COPE: variants seen among roughly 807,000 people sequenced by gnomAD.
COPE encodes the protein coatomer subunit epsilon.
COPE carries 19 observed loss-of-function variants against 42.1 expected under a neutral mutation model. The ratio of observed to expected loss-of-function variants is 0.45; its 90% CI spans 0.31 to 0.66. The LOEUF is 0.66. Ranked by LOEUF, COPE falls within the 30% of genes least tolerant of loss-of-function variation. The pLI, the probability that COPE is intolerant of heterozygous loss-of-function variation, is 0.05. For missense variants in COPE, 402 were observed against 416.1 expected (o/e 0.97, Z 0.30); for synonymous variants, 195 against 181.3 (o/e 1.08, Z -0.60).
chr19:18,901,919 G>A (rs1394375233), intron 7 of COPE, among the ~76,000 whole-genome samples: 3 of 152,200 alleles, frequency 2.0e-5, no homozygotes, highest in East Asian at 3.9e-4. Flanking sequence ...AGTGGCTCAC[G>A]CCTGTAATCC....
intron 1 of COPE, among the ~76,000 whole-genome samples, chr19:18,917,557 C>T (rs913775915): frequency 2.0e-5 from 3 of 151,690 alleles, no homozygotes; most frequent in African/African-American, 7.3e-5. Context: ...TTAGTAGAGA[C>T]GGGGTTTCAC....
In COPE at chr19:18,919,364, C is replaced by G. The variant is rs1194735138; in HGVS notation, c.-16G>C. ...GAGGCGCCATTTCGCTGTCTTCTCA[C>G]CAGCTCCTCTTCCTGAAAGACACGT... On this transcript the variant is annotated 5_prime_UTR_variant, in exon 1 of 10. Coordinates refer to ENST00000262812, the MANE Select transcript of COPE (RefSeq NM_007263.4). The G allele has an allele frequency of 1.2e-6, 2 of 1,611,550 alleles. No individual in the cohort carries two copies. Among genetic ancestry groups the G allele is most frequent in the Non-Finnish European group, 1.7e-6 (2 of 1,179,046 alleles).
chr19:18,918,203 A>G (rs955418310), intron 1 of COPE, among the ~76,000 whole-genome samples: 2 of 131,438 alleles, frequency 1.5e-5, no homozygotes, highest in African/African-American at 6.0e-5. Context: ...AAAAAAAAAA[A>G]GAAAAGAAAA....
Position 18,906,994 on chromosome 19 carries a change from G to C in COPE, c.409C>G (p.Leu137Val). 5 of 1,581,160 alleles carry C rather than the reference G, an allele frequency of 3.2e-6. No homozygotes were observed. Among genetic ancestry groups the C allele is most frequent in the Non-Finnish European group, 4.3e-6 (5 of 1,163,936 alleles). Residue 137 changes from leucine to valine, a missense_variant, in exon 4 of 10, where the codon CTG becomes GTG. Coordinates refer to ENST00000262812, the MANE Select transcript of COPE (RefSeq NM_007263.4). ...YLHDQNPDAA[L>V]RALHQGDSLE... is the part of the protein sequence containing the mutation. Reference sequence around the variant, plus strand: ...CTGTCCCCCTGGTGCAGCGCACGCAGGGCGGCATCCGGGTTCTGGTCGTGG... The same window carrying C: ...CTGTCCCCCTGGTGCAGCGCACGCACGGCGGCATCCGGGTTCTGGTCGTGG...
At chr19:18,908,521 C>CTT (rs1555710207) in intron 3 of COPE, among the ~76,000 whole-genome samples, 3 of 146,850 alleles carry the variant, frequency 2.0e-5, no homozygotes, top group East Asian at 2.0e-4. Flanking sequence ...CCCCATCTCT[C>CTT]TTTTTTTTTT....
chr19:18,913,409 A>G (rs1212027232), intron 1 of COPE, among the ~76,000 whole-genome samples: 3 of 152,192 alleles, frequency 2.0e-5, no homozygotes, highest in Non-Finnish European at 2.9e-5. Context: ...TTTTGAGCTC[A>G]GTTTGGCTGC....
At position 18,902,820 on chromosome 19, in the gene COPE, G is replaced by GAAA. The variant is rs2056720805; in HGVS notation, c.735+447_735+448insTTT. The stretch of plus-strand genomic sequence containing the variant: ...AGGAAGGAAGGAAGGAAGGAAGGAA[G>GAAA]GAAGGAAGAAAAGACTGCAGACATC... On this transcript the variant is annotated intron_variant, in intron 7 of 9. Transcript: ENST00000262812. Among the ~76,000 whole-genome samples the GAAA allele has an allele frequency of 3.6e-5, 3 of 83,324 alleles. 1 individual carries two copies. The African/African-American group carries it at 3.7e-4, about 10-fold the overall frequency. 54.7% of individuals were successfully genotyped at this position (83,324 alleles called of 152,430 possible).
In COPE at chr19:18,919,344, G is replaced by C. The variant is rs1048318682; in HGVS notation, c.5C>G (p.Ala2Gly). 9 of 1,613,566 alleles carry C rather than the reference G, an allele frequency of 5.6e-6. No individual in the cohort carries two copies. The East Asian group carries it at 1.8e-4, about 32-fold the overall frequency. The change falls in exon 1 of 10, where the codon GCG (alanine) becomes GGG (glycine). Residue 2 changes from alanine to glycine, a missense_variant. Ala to Gly is a moderately conservative substitution (Grantham distance 60). Transcript: ENST00000262812. M[A>G]PPAPGPASGG... ...GGAGGCCGGGCCGGGGGCCGGAGGC[G>C]CCATTTCGCTGTCTTCTCACCAGCT...
Position 18,900,374 on chromosome 19 carries a change from C to G in COPE, c.804+7G>C. On this transcript the variant is annotated splice_region_variant and intron_variant, in intron 8 of 9. Coordinates refer to ENST00000262812, the MANE Select transcript of COPE (RefSeq NM_007263.4). ...AGGGTTGGCCTGGAGCCCTGGGGGCCGCTTACCTCAGGGGGCTTGCCCAGG... is the reference window on the plus strand; with the variant it reads ...AGGGTTGGCCTGGAGCCCTGGGGGCGGCTTACCTCAGGGGGCTTGCCCAGG... 1.3e-6 allele frequency: 2 copies of G among 1,546,168 alleles called. No individual in the cohort carries two copies. The highest frequency in any genetic ancestry group is 2.4e-5 in the South Asian group (2 of 83,602).
chr19:18,899,660 T>A lies in COPE; in HGVS notation c.*19A>T. On this transcript the variant is annotated 3_prime_UTR_variant, in exon 10 of 10. Transcript: ENST00000262812. ...GGCCTCTGTCCTGGCTTCATGGTCC[T>A]GACAGCTCTGGGCCAGCCTCAGGCG... is the stretch of plus-strand genomic sequence containing the variant. The A allele has an allele frequency of 6.2e-7, 1 of 1,613,282 alleles. No individual in the cohort carries two copies. Among genetic ancestry groups the A allele is most frequent in the Non-Finnish European group, 8.5e-7 (1 of 1,179,938 alleles).
At chr19:18,905,761 G>T in intron 4 of COPE, 132 bp from the exon 5 acceptor site, 1 of 841,690 alleles carries the variant, frequency 1.2e-6, no homozygotes, top group Non-Finnish European at 1.8e-6. Flanking sequence ...GCCCCGCCCA[G>T]CAGAGGAGGA....
chr19:18,904,801 C>T lies in COPE; in HGVS notation c.549G>A (p.Gln183=). The T allele has an allele frequency of 6.4e-7, 1 of 1,554,926 alleles. No homozygotes were observed. The highest frequency in any genetic ancestry group is 1.2e-5 in the South Asian group (1 of 84,242). Residue 183 remains glutamine (Q), a synonymous_variant, in exon 6 of 10, where the codon CAG becomes CAA. Coordinates refer to ENST00000262812, the MANE Select transcript of COPE (RefSeq NM_007263.4). The part of the protein sequence containing the change: ...QDLDEDATLT[Q]LATAWVSLAT... The stretch of plus-strand genomic sequence containing the variant: ...CCAGGCTGACCCAGGCAGTGGCGAG[C>T]TGGGTGAGGGTGGCATCCTCGTCCA...
rs1366699971 is a variant in COPE, at chr19:18,900,367, TG to T, written c.804+13del. On this transcript the variant is annotated intron_variant, in intron 8 of 9. Transcript: ENST00000262812. ...GGACATTAGGGTTGGCCTGGAGCCC[TG>T]GGGGCCGCTTACCTCAGGGGGCTTG... 3 of 1,545,746 alleles carry T rather than the reference TG, an allele frequency of 1.9e-6. No homozygotes were observed. The highest frequency in any genetic ancestry group is 2.6e-6 in the Non-Finnish European group (3 of 1,143,690).
intron 7 of COPE, among the ~76,000 whole-genome samples, chr19:18,902,775 AG>A: frequency 6.2e-5 from 1 of 16,250 alleles, no homozygotes; most frequent in Admixed American, 5.0e-4. Flanking sequence ...AAGGGAAAGA[AG>A]GAAGGAAGGA....
In COPE at chr19:18,899,751, A is replaced by G. The variant is rs1555708406; in HGVS notation, c.880-25T>C. 6.2e-6 allele frequency: 10 copies of G among 1,613,368 alleles called. 1 individual carries two copies. The South Asian group carries it at 9.9e-5, about 16-fold the overall frequency. The stretch of plus-strand genomic sequence containing the variant: ...CCTTTAGCAAGACACATGGCAACAC[A>G]GGGTGGGGGCAGGGTGTGGGGAGAC... On this transcript the variant is annotated intron_variant, in intron 9 of 9. Transcript: ENST00000262812.
chr19:18,902,806 AAGG>A (rs2056720005), intron 7 of COPE, among the ~76,000 whole-genome samples: 1 of 122,276 alleles, frequency 8.2e-6, no homozygotes, highest in Non-Finnish European at 1.7e-5. Flanking sequence ...GGAAGGAAGG[AAGG>A]AAGGAAGGAA....
chr19:18,908,140 T>G (rs902843365), intron 3 of COPE, among the ~76,000 whole-genome samples: 1 of 152,150 alleles, frequency 6.6e-6, no homozygotes, highest in Non-Finnish European at 1.5e-5. Flanking sequence ...GGTGTTACAA[T>G]TACCAATGGG....
At position 18,919,263 on chromosome 19, in the gene COPE, C is replaced by G. The variant is rs1013621516; in HGVS notation, c.86G>C (p.Gly29Ala). 4 of 1,613,920 alleles carry G rather than the reference C, an allele frequency of 2.5e-6. No individual in the cohort carries two copies. Among genetic ancestry groups the G allele is most frequent in the Non-Finnish European group, 3.4e-6 (4 of 1,180,006 alleles). ...LFDVKNAFYI[G>A]SYQQCINEAQ... ...CTCGTTTATGCACTGCTGGTAGCTG[C>G]CGATGTAGAAGGCGTTCTTTACGTC... The change falls in exon 1 of 10, where the codon GGC (glycine) becomes GCC (alanine). Residue 29 changes from glycine to alanine, a missense_variant. Transcript: ENST00000262812.
At chr19:18,900,972 C>T (rs892703331) in intron 7 of COPE, among the ~76,000 whole-genome samples, 3 of 152,200 alleles carry the variant, frequency 2.0e-5, no homozygotes, top group Admixed American at 6.5e-5. Context: ...AACGAGGATG[C>T]GCCCAGAGCC....
Sources: allele counts gnomAD v4.1 joint callset (sites outside exome capture counted in the v4.1 genomes callset), GRCh38; gene constraint gnomAD v4.1.1; transcripts MANE v1.5; gene names NCBI Gene and HGNC (gene_info 2026-07-23, HGNC 2026-07-21).